SPIN1: variants seen among roughly 807,000 people sequenced by gnomAD.
The protein encoded by SPIN1 is spindlin-1.
In SPIN1, 3 loss-of-function variants were observed where a neutral mutation model predicts 26.0. The ratio of observed to expected loss-of-function variants is 0.12; its 90% CI spans 0.05 to 0.30. SPIN1 has a LOEUF of 0.30. SPIN1 is among the 10% of genes least tolerant of loss of function. The pLI is 1.00. For synonymous variants in SPIN1, 101 were observed against 116.5 expected (o/e 0.87, Z 0.86); for missense variants, 126 against 333.4 (o/e 0.38, Z 4.84).
chr9:88,473,956 A>G (rs554472772), intron 5 of SPIN1, among the ~76,000 whole-genome samples: 3 of 152,288 alleles, frequency 2.0e-5, no homozygotes, highest in South Asian at 2.1e-4. Flanking sequence ...TTATGCTCAG[A>G]TGTTTTATTT....
chr9:88,469,482 G>A (rs949654129), intron 5 of SPIN1, among the ~76,000 whole-genome samples: 1 of 152,162 alleles, frequency 6.6e-6, no homozygotes, highest in Non-Finnish European at 1.5e-5. Flanking sequence ...TGTGACCTGG[G>A]CTAATTTCAT....
intron 3 of SPIN1, among the ~76,000 whole-genome samples, chr9:88,461,585 A>G (rs888194370): frequency 6.6e-6 from 1 of 152,210 alleles, no homozygotes; most frequent in African/African-American, 2.4e-5. Flanking sequence ...TCAGATATTA[A>G]TCACTTTTAT....
chr9:88,472,476 C>T lies in SPIN1; in HGVS notation c.590-2602C>T, dbSNP rs551262379. ...CTCGATCTCCTGACCTCAGGTGAGC[C>T]GCCGCGCCTGGCCACTTTTTATTTA... On this transcript the variant is annotated intron_variant, in intron 5 of 5. Coordinates refer to ENST00000375859, the MANE Select transcript of SPIN1 (RefSeq NM_006717.3). 6.6e-5 allele frequency among the ~76,000 whole-genome samples: 10 copies of T among 151,916 alleles called. No individual in the cohort carries two copies. In the South Asian group the frequency reaches 1.3e-3, roughly 19 times the overall value.
At chr9:88,445,932 ATGTCAAC>A (rs1828241634) in intron 2 of SPIN1, among the ~76,000 whole-genome samples, 1 of 152,158 alleles carries the variant, frequency 6.6e-6, no homozygotes, top group Non-Finnish European at 1.5e-5. Context: ...TATTCTTTAA[ATGTCAAC>A]TAAGTAAGGT....
intron 1 of SPIN1, among the ~76,000 whole-genome samples, chr9:88,388,789 C>G (rs1272788868): frequency 1.3e-5 from 2 of 150,364 alleles, no homozygotes; most frequent in African/African-American, 4.8e-5. Flanking sequence ...CTCCGTGCCC[C>G]CATCCCCGCC....
chr9:88,468,739 C>A, intron 5 of SPIN1, 134 bp downstream of exon 5: 1 of 505,686 alleles, frequency 2.0e-6, no homozygotes, highest in Non-Finnish European at 3.2e-6. Context: ...TGCACAAACA[C>A]AGCCTTTGAA....
intron 1 of SPIN1, among the ~76,000 whole-genome samples, chr9:88,409,313 T>G (rs1827387350): frequency 1.4e-5 from 2 of 148,096 alleles, no homozygotes; most frequent in Admixed American, 6.7e-5. Context: ...TTTTTTCTTG[T>G]TTTTTTTTCT....
At chr9:88,408,152 A>T (rs1827348963) in intron 1 of SPIN1, among the ~76,000 whole-genome samples, 1 of 149,886 alleles carries the variant, frequency 6.7e-6, no homozygotes, top group South Asian at 2.1e-4. Context: ...TTGGTTATAT[A>T]TTTCTTTATT....
intron 4 of SPIN1, among the ~76,000 whole-genome samples, chr9:88,466,036 A>G (rs1297754231): frequency 6.6e-6 from 1 of 152,234 alleles, no homozygotes; most frequent in Non-Finnish European, 1.5e-5. Flanking sequence ...AAATGCATTG[A>G]TATATAGGTA....
At chr9:88,404,687 A>C (rs1375048767) in intron 1 of SPIN1, among the ~76,000 whole-genome samples, 1 of 152,090 alleles carries the variant, frequency 6.6e-6, no homozygotes, top group Non-Finnish European at 1.5e-5. Flanking sequence ...AGGCCGAGGC[A>C]GGCAGATCAC....
At chr9:88,459,382 G>C (rs1034735715) in intron 3 of SPIN1, among the ~76,000 whole-genome samples, 2 of 152,168 alleles carry the variant, frequency 1.3e-5, no homozygotes, top group African/African-American at 4.8e-5. Context: ...AGATTATGCA[G>C]ATGTCTAGAA....
chr9:88,396,471 G>A (rs1332672475), intron 1 of SPIN1, among the ~76,000 whole-genome samples: 3 of 151,512 alleles, frequency 2.0e-5, no homozygotes, highest in Admixed American at 1.3e-4. Flanking sequence ...GTGTGGTGGC[G>A]CATGCCTGTA....
intron 1 of SPIN1, among the ~76,000 whole-genome samples, chr9:88,421,680 T>A (rs1827669526): frequency 6.7e-6 from 1 of 149,550 alleles, no homozygotes; most frequent in South Asian, 2.1e-4. Context: ...CTTTAGTCTC[T>A]TTTAGTCTAG....
intron 3 of SPIN1, among the ~76,000 whole-genome samples, chr9:88,461,945 A>C (rs888126860): frequency 4.6e-5 from 7 of 152,238 alleles, no homozygotes; most frequent in African/African-American, 1.7e-4. Flanking sequence ...GATATAAGCT[A>C]GTCTGGACTT....
chr9:88,443,358 C>T (rs552244727), intron 2 of SPIN1, among the ~76,000 whole-genome samples: 2 of 152,284 alleles, frequency 1.3e-5, no homozygotes, highest in South Asian at 4.1e-4. Flanking sequence ...AAGCCTGTCT[C>T]TGAAAGGCAC....
chr9:88,405,095 G>C (rs532487171), intron 1 of SPIN1, among the ~76,000 whole-genome samples: 34 of 152,052 alleles, frequency 2.2e-4, no homozygotes, highest in Non-Finnish European at 4.9e-4. Context: ...GCCTGAGGCT[G>C]TTTTACAGTT....
At chr9:88,465,036 T>C (rs1204054829) in intron 4 of SPIN1, among the ~76,000 whole-genome samples, 1 of 152,210 alleles carries the variant, frequency 6.6e-6, no homozygotes, top group Non-Finnish European at 1.5e-5. Flanking sequence ...TTATTTCACT[T>C]AGCATAATGT....
At chr9:88,471,492 G>T (rs995782726) in intron 5 of SPIN1, among the ~76,000 whole-genome samples, 5 of 151,496 alleles carry the variant, frequency 3.3e-5, no homozygotes, top group African/African-American at 1.2e-4. Flanking sequence ...GGGAAACCCT[G>T]TCTCTACTAA....
intron 4 of SPIN1, among the ~76,000 whole-genome samples, chr9:88,464,414 T>C (rs1315115910): frequency 3.3e-5 from 5 of 152,234 alleles, no homozygotes; most frequent in African/African-American, 9.6e-5. Context: ...ATTAAAATTA[T>C]GTTTTTCTTA....
Sources: allele counts gnomAD v4.1 joint callset (sites outside exome capture counted in the v4.1 genomes callset), GRCh38; gene constraint gnomAD v4.1.1; transcripts MANE v1.5; gene names NCBI Gene and HGNC (gene_info 2026-07-23, HGNC 2026-07-21).